The following PEAK1 variants were observed in gnomAD, a reference collection of about 807,000 sequenced individuals.
The protein encoded by PEAK1 is pseudopodium enriched atypical kinase 1, also known as inactive tyrosine-protein kinase PEAK1.
PEAK1 carries 54 observed loss-of-function variants against 124.7 expected under a neutral mutation model. That is an observed-to-expected ratio of 0.43 (90% CI 0.35 to 0.54). The LOEUF (loss-of-function observed/expected upper bound fraction) is 0.54, where lower values mean the gene tolerates loss of function less well. Among genes scored for constraint, PEAK1 ranks in the 20% least tolerant of loss-of-function variants. PEAK1 has a pLI of 0.01. For missense variants in PEAK1, 2,046 were observed against 2,134.5 expected (o/e 0.96, Z 0.82); for synonymous variants, 719 against 760.0 (o/e 0.95, Z 0.89).
At chr15:77,247,915 TTTCTTTCTTG>T (rs1299616429) in intron 6 of PEAK1, among the ~76,000 whole-genome samples, 1 of 152,202 alleles carries the variant, frequency 6.6e-6, no homozygotes, top group African/African-American at 2.4e-5. Flanking sequence ...TGCCTGTAGT[TTTCTTTCTTG>T]TAATCTATTT....
At chr15:77,206,839 G>A (rs990191937) in intron 6 of PEAK1, among the ~76,000 whole-genome samples, 3 of 152,010 alleles carry the variant, frequency 2.0e-5, no homozygotes, top group Non-Finnish European at 4.4e-5. Context: ...TAATTAGATC[G>A]CATCACACTA....
intron 1 of PEAK1, among the ~76,000 whole-genome samples, chr15:77,406,445 A>C (rs2071827101): frequency 6.6e-6 from 1 of 152,200 alleles, no homozygotes; most frequent in Admixed American, 6.5e-5. Flanking sequence ...CAGGATACAA[A>C]ATCAATGTAC....
intron 6 of PEAK1, among the ~76,000 whole-genome samples, chr15:77,226,044 G>GATAT (rs1157824212): frequency 0.032 from 1,412 of 44,464 alleles, 20 homozygotes; most frequent in Admixed American, 0.034. Flanking sequence ...AAAATAAAGG[G>GATAT]ATATATATAT....
intron 8 of PEAK1, among the ~76,000 whole-genome samples, chr15:77,148,286 T>C (rs965692777): frequency 1.3e-5 from 2 of 152,144 alleles, no homozygotes; most frequent in East Asian, 1.9e-4. Context: ...CCTATTCCAG[T>C]TGAGTGTTTT....
chr15:77,298,197 A>ATTT (rs749000554), intron 2 of PEAK1, among the ~76,000 whole-genome samples: 9 of 37,822 alleles, frequency 2.4e-4, no homozygotes, highest in South Asian at 1.4e-3. Context: ...GGTATCCTTA[A>ATTT]TTTTTTTTTT....
At chr15:77,206,433 A>C (rs1463871759) in intron 6 of PEAK1, among the ~76,000 whole-genome samples, 1 of 146,300 alleles carries the variant, frequency 6.8e-6, no homozygotes, top group Non-Finnish European at 1.5e-5. Flanking sequence ...ACTAGTTTAC[A>C]GTCCCACCAA....
At position 77,255,481 on chromosome 15, in the gene PEAK1, G is replaced by A. The variant is rs554441174; in HGVS notation, c.-274-2955C>T. 2.9e-4 allele frequency: 207 copies of A among 711,532 alleles called. 1 individual carries two copies. Among genetic ancestry groups the A allele is most frequent in the Admixed American group, 2.5e-3 (39 of 15,918 alleles). 44.1% of individuals were successfully genotyped at this position (711,532 alleles called of 1,614,324 possible). On this transcript the variant is annotated intron_variant, in intron 5 of 9. Coordinates refer to ENST00000682557, the MANE Select transcript of PEAK1 (RefSeq NM_001385026.1). Reference sequence around the variant, plus strand: ...TTTTATTTCTTGACAATGTTACAACGTTTTGGGAAAACATCATGAAGACAT... The same window carrying A: ...TTTTATTTCTTGACAATGTTACAACATTTTGGGAAAACATCATGAAGACAT...
chr15:77,277,619 A>C (rs1354082997), intron 5 of PEAK1, among the ~76,000 whole-genome samples: 7 of 70,922 alleles, frequency 9.9e-5, no homozygotes, highest in Admixed American at 4.7e-4. Flanking sequence ...TAAAAAGTGA[A>C]TTAATTCTGT....
chr15:77,244,584 CTTTTCT>C (rs1179184178), intron 6 of PEAK1, among the ~76,000 whole-genome samples: 3 of 151,214 alleles, frequency 2.0e-5, no homozygotes, highest in Non-Finnish European at 4.4e-5. Flanking sequence ...CCTCAAGGGA[CTTTTCT>C]TTTTCTTTTT....
chr15:77,348,688 G>A, intron 2 of PEAK1: 1 of 985,044 alleles, frequency 1.0e-6, no homozygotes, highest in Non-Finnish European at 1.2e-6. Context: ...TGATAAAATA[G>A]TTAATCTGAC....
At chr15:77,349,910 C>T (rs932730832) in intron 2 of PEAK1, 1 of 984,332 alleles carries the variant, frequency 1.0e-6, no homozygotes, top group African/African-American at 1.7e-5. Context: ...ATTTACAATA[C>T]ATGTTTCTGA....
rs2050885178 is a variant in PEAK1 at position 77,109,861 on chromosome 15, A to G, written c.*4295T>C. 1 of 152,190 alleles carries G rather than the reference A, an allele frequency of 6.6e-6. No homozygotes were observed. Among genetic ancestry groups the G allele is most frequent in the African/African-American group, 2.4e-5 (1 of 41,440 alleles). 9.4% of individuals were successfully genotyped at this position (152,190 alleles called of 1,614,324 possible). A position where few individuals can be genotyped will look rare whatever the true frequency, so the allele number is the denominator to read the frequency against. On this transcript the variant is annotated 3_prime_UTR_variant, in exon 10 of 10. Transcript: ENST00000682557. ...ACCCCTCTCCAAGAATGTTCATACT[A>G]TATTTACACATCTAGAATCATTTGA... is the stretch of plus-strand genomic sequence containing the variant.
intron 5 of PEAK1, among the ~76,000 whole-genome samples, chr15:77,268,409 G>A (rs2152951536): frequency 6.6e-6 from 1 of 152,080 alleles, no homozygotes; most frequent in South Asian, 2.1e-4. Flanking sequence ...GGGAGGCAGA[G>A]GACGCAGTGA....
intron 2 of PEAK1, among the ~76,000 whole-genome samples, chr15:77,360,012 TCAAAACTTTATTATA>T (rs1236543500): frequency 1.3e-5 from 2 of 152,144 alleles, no homozygotes; most frequent in Non-Finnish European, 2.9e-5. Flanking sequence ...CTGCCCAATT[TCAAAACTTTATTATA>T]CAACTACAGC....
chr15:77,371,598 T>A (rs1441076414), intron 1 of PEAK1, among the ~76,000 whole-genome samples: 1 of 152,060 alleles, frequency 6.6e-6, no homozygotes, highest in Non-Finnish European at 1.5e-5. Flanking sequence ...TATAATTTGA[T>A]TAACAGAAGC....
At chr15:77,318,580 G>A (rs182583738) in intron 2 of PEAK1, among the ~76,000 whole-genome samples, 1 of 152,022 alleles carries the variant, frequency 6.6e-6, no homozygotes, top group Non-Finnish European at 1.5e-5. Flanking sequence ...TATGTGAACA[G>A]AGAGAATGAT....
chr15:77,260,166 G>T (rs1005482814), intron 5 of PEAK1, among the ~76,000 whole-genome samples: 1 of 152,084 alleles, frequency 6.6e-6, no homozygotes, highest in African/African-American at 2.4e-5. Context: ...GTCCCCAGAA[G>T]GGACAAATCA....
chr15:77,345,865 C>A (rs1567288021), intron 2 of PEAK1: 2 of 948,140 alleles, frequency 2.1e-6, no homozygotes, highest in Non-Finnish European at 1.3e-6. Context: ...AAAATATGTA[C>A]AACAATTACA....
Position 77,133,706 on chromosome 15 carries a change from G to A in PEAK1, c.3376C>T (p.Pro1126Ser), listed in dbSNP as rs1368630847. Residue 1126 changes from proline to serine, a missense_variant, in exon 9 of 10, where the codon CCC (proline) becomes TCC (serine). Transcript: ENST00000682557. This position sits in a 1 kb window ranked among gnomAD's most constrained non-coding sequence, Gnocchi z 4.2. ...ATGGCATCGTCCACAGCTCCCTTGG[G>A]CTGTCGTGGCTGCTTGGGAGGTATC... ...AMIPPKQPRQ[P>S]KGAVDDAIAF... The A allele has an allele frequency of 1.2e-6, 2 of 1,612,666 alleles. No homozygotes were observed.
Sources: allele counts gnomAD v4.1 joint callset (sites outside exome capture counted in the v4.1 genomes callset), GRCh38; gene constraint gnomAD v4.1.1; non-coding constraint Gnocchi (gnomAD v3.1); transcripts MANE v1.5; gene names NCBI Gene and HGNC (gene_info 2026-07-23, HGNC 2026-07-21).